Variants in TTPA observed in about 807,000 individuals in gnomAD.
TTPA encodes alpha tocopherol transfer protein.
In TTPA, 23 loss-of-function variants were observed where a neutral mutation model predicts 25.9. That is an observed-to-expected ratio of 0.89 (90% confidence interval 0.64 to 1.26). The LOEUF is 1.26. Among genes scored for constraint, TTPA ranks in the 50% most tolerant of loss-of-function variants. The pLI, the probability that TTPA is intolerant of heterozygous loss-of-function variation, is 0.00. For synonymous variants in TTPA, 148 were observed against 137.3 expected (o/e 1.08, Z -0.54); for missense variants, 337 against 353.1 (o/e 0.95, Z 0.37).
At chr8:63,085,632 G>A (rs1447499993) in intron 1 of TTPA, among the ~76,000 whole-genome samples, 186 bp downstream of exon 1, 7 of 152,220 alleles carry the variant, frequency 4.6e-5, no homozygotes. Context: ...GAAACTGGAG[G>A]ACCAGCTCTG....
chr8:63,084,199 A>G (rs1340504694), intron 1 of TTPA, among the ~76,000 whole-genome samples: 6 of 151,702 alleles, frequency 4.0e-5, no homozygotes, highest in Admixed American at 3.9e-4. Flanking sequence ...GGCACTGAAA[A>G]CTCTTTGGAA....
At position 63,059,778 on chromosome 8, in the gene TTPA, A is replaced by T. The variant is rs916917522; in HGVS notation, c.*1474T>A. 1 of 152,000 alleles carries T rather than the reference A, an allele frequency of 6.6e-6. No homozygotes were observed. Among genetic ancestry groups the T allele is most frequent in the Non-Finnish European group, 1.5e-5 (1 of 67,996 alleles). 9.4% of individuals were successfully genotyped at this position (152,000 alleles called of 1,614,324 possible). On this transcript the variant is annotated 3_prime_UTR_variant, in exon 5 of 5. Transcript: ENST00000260116. ...GTACATCTTTACCGGTTATTTATTT[A>T]TTTATTTTTATTTTTATTTTTTAAT... is the stretch of plus-strand genomic sequence containing the variant.
chr8:63,078,801 G>A (rs963001420), intron 1 of TTPA, among the ~76,000 whole-genome samples: 7 of 152,192 alleles, frequency 4.6e-5, no homozygotes, highest in Admixed American at 1.3e-4. Flanking sequence ...AACCTAGCAA[G>A]TCAGGCCAAC....
In TTPA at chr8:63,064,234, G is replaced by A; in HGVS notation, c.635C>T (p.Pro212Leu). 1.2e-6 allele frequency: 2 copies of A among 1,612,842 alleles called. No individual in the cohort carries two copies. The highest frequency in any genetic ancestry group is 2.2e-5 in the East Asian group (1 of 44,756). The change falls in exon 4 of 5, where the codon CCA becomes CTA. Residue 212 changes from proline to leucine, a missense_variant. Transcript: ENST00000260116. ...TTCCTTAATTTTTTCAGTCAGGAAT[G>A]GTTTGATCATGGAAAAGACAGCATG... ...IFHAVFSMIK[P>L]FLTEKIKERI...
intron 2 of TTPA, among the ~76,000 whole-genome samples, chr8:63,066,870 G>C (rs745563730): frequency 6.6e-6 from 1 of 151,924 alleles, no homozygotes; most frequent in Admixed American, 6.6e-5. Context: ...AATAGACAAA[G>C]GCATCAACTC....
intron 1 of TTPA, among the ~76,000 whole-genome samples, chr8:63,075,625 G>A (rs1307277196): frequency 6.6e-6 from 1 of 151,128 alleles, no homozygotes; most frequent in Non-Finnish European, 1.5e-5. Flanking sequence ...CTTGAACCTG[G>A]GAGGCGAAGG....
chr8:63,064,835 A>T (rs962040055), intron 3 of TTPA, among the ~76,000 whole-genome samples: 14 of 152,206 alleles, frequency 9.2e-5, no homozygotes, highest in Non-Finnish European at 1.5e-5. Context: ...TACAAGTTGT[A>T]TTATTAATAC....
At chr8:63,071,049 A>G (rs1805475386) in intron 2 of TTPA, among the ~76,000 whole-genome samples, 1 of 152,232 alleles carries the variant, frequency 6.6e-6, no homozygotes, top group African/African-American at 2.4e-5. Flanking sequence ...TAAATAAAAC[A>G]TAGGTACTTT....
chr8:63,058,965 T>C (rs1218259136), downstream of TTPA, among the ~76,000 whole-genome samples: 1 of 151,344 alleles, frequency 6.6e-6, no homozygotes, highest in Non-Finnish European at 1.5e-5. Flanking sequence ...TTTTAAATAG[T>C]ATGCTTTTAT....
chr8:63,065,682 T>C (rs895415808), intron 3 of TTPA, among the ~76,000 whole-genome samples: 5 of 152,178 alleles, frequency 3.3e-5, no homozygotes, highest in African/African-American at 1.2e-4. Context: ...AATCCTCTCG[T>C]TACTAATTTG....
intron 1 of TTPA, among the ~76,000 whole-genome samples, chr8:63,075,394 T>C (rs1805546298): frequency 6.6e-6 from 1 of 152,078 alleles, no homozygotes; most frequent in Non-Finnish European, 1.5e-5. Context: ...CCCTGAGAAG[T>C]AGCTACTGTT....
intron 3 of TTPA, among the ~76,000 whole-genome samples, chr8:63,064,673 A>G (rs1805360341): frequency 6.6e-6 from 1 of 152,198 alleles, no homozygotes; most frequent in Admixed American, 6.5e-5. Context: ...GTTTATTTTG[A>G]GAAAAAAAAT....
intron 2 of TTPA, among the ~76,000 whole-genome samples, chr8:63,067,008 G>A (rs1025978828): frequency 6.6e-6 from 1 of 151,874 alleles, no homozygotes; most frequent in Non-Finnish European, 1.5e-5. Flanking sequence ...TGAAGCCCAG[G>A]AGTTCAAGTC....
At chr8:63,072,355 C>A (rs1229372577) in intron 2 of TTPA, among the ~76,000 whole-genome samples, 4 of 152,182 alleles carry the variant, frequency 2.6e-5, no homozygotes, top group Non-Finnish European at 4.4e-5. Flanking sequence ...CTCTGCCTCC[C>A]AGGTTCATGC....
chr8:63,073,073 A>G lies in TTPA; in HGVS notation c.220T>C (p.Tyr74His), dbSNP rs1012996856. 1.2e-6 allele frequency: 2 copies of G among 1,611,438 alleles called. No homozygotes were observed. The highest frequency in any genetic ancestry group is 1.7e-6 in the Non-Finnish European group (2 of 1,178,080). Reference sequence around the variant, plus strand: ...TCTGGACATTCTGCTCTCCACTTATAATAGTTTTTTAGTAACTGAAAAATA... The same window carrying G: ...TCTGGACATTCTGCTCTCCACTTATGATAGTTTTTTAGTAACTGAAAAATA... ...DLAWRLLKNY[Y>H]KWRAECPEIS... The change falls in exon 2 of 5, where the codon TAT (tyrosine) becomes CAT (histidine). Residue 74 changes from tyrosine to histidine, a missense_variant. Transcript: ENST00000260116.
chr8:63,072,488 C>T (rs993514693), intron 2 of TTPA, among the ~76,000 whole-genome samples: 20 of 152,310 alleles, frequency 1.3e-4, no homozygotes, highest in Admixed American at 1.1e-3. Context: ...GTCTCGAACT[C>T]CTGACCTCAG....
chr8:63,082,597 C>G (rs905675264), intron 1 of TTPA, among the ~76,000 whole-genome samples: 2 of 152,180 alleles, frequency 1.3e-5, no homozygotes, highest in African/African-American at 4.8e-5. Context: ...GACTTCATGA[C>G]TAAAACACCA....
At chr8:63,085,678 C>T in intron 1 of TTPA, 140 bp downstream of exon 1, 1 of 971,924 alleles carries the variant, frequency 1.0e-6, no homozygotes. Context: ...GCGCCCACGC[C>T]GGGTGGTTAG....
intron 2 of TTPA, among the ~76,000 whole-genome samples, chr8:63,070,130 A>C (rs1014800620): frequency 6.6e-6 from 1 of 152,210 alleles, no homozygotes; most frequent in African/African-American, 2.4e-5. Flanking sequence ...CTGAGATTCC[A>C]ATCCAGGTCA....
Sources: allele counts gnomAD v4.1 joint callset (sites outside exome capture counted in the v4.1 genomes callset), GRCh38; gene constraint gnomAD v4.1.1; transcripts MANE v1.5; gene names NCBI Gene and HGNC (gene_info 2026-07-23, HGNC 2026-07-21).